RFX3: variants seen among roughly 807,000 people sequenced by gnomAD.
The protein encoded by RFX3 is regulatory factor X3.
RFX3 carries 14 observed loss-of-function variants against 98.6 expected under a neutral mutation model. The observed-to-expected ratio is 0.14, with a 90% confidence interval of 0.09 to 0.22. The LOEUF is 0.22. Among genes scored for constraint, RFX3 ranks in the 10% least tolerant of loss-of-function variants. The pLI is 1.00. For missense variants in RFX3, 639 were observed against 926.9 expected, an observed-to-expected ratio of 0.69 and a Z score of 4.03; for synonymous variants, 383 against 328.4, an observed-to-expected ratio of 1.17 and a Z score of -1.80.
chr9:3,412,983 T>C (rs563582820), intron 1 of RFX3, among the ~76,000 whole-genome samples: 1 of 152,124 alleles, frequency 6.6e-6, no homozygotes, highest in South Asian at 2.1e-4. Flanking sequence ...ATATTGAGTC[T>C]AAAAATCACA....
At chr9:3,264,257 G>C (rs867410416) in intron 12 of RFX3, among the ~76,000 whole-genome samples, 2 of 152,092 alleles carry the variant, frequency 1.3e-5, no homozygotes, top group South Asian at 2.1e-4. Flanking sequence ...AATTTGTTAT[G>C]TGCACAATAT....
intron 4 of RFX3, among the ~76,000 whole-genome samples, chr9:3,314,343 G>A (rs1389383014): frequency 6.6e-6 from 1 of 152,146 alleles, no homozygotes; most frequent in Non-Finnish European, 1.5e-5. Flanking sequence ...GTCACCACCA[G>A]GCCTGCCTTA....
intron 2 of RFX3, among the ~76,000 whole-genome samples, chr9:3,367,066 A>T (rs1163076251): frequency 6.6e-6 from 1 of 152,104 alleles, no homozygotes; most frequent in Admixed American, 6.6e-5. Context: ...CCCTCAACCA[A>T]GATTAGAAAC....
intron 1 of RFX3, among the ~76,000 whole-genome samples, chr9:3,485,736 TAA>T (rs1477203679): frequency 6.6e-6 from 1 of 152,294 alleles, no homozygotes; most frequent in South Asian, 2.1e-4. Context: ...TCTTTAGTTA[TAA>T]GAGAATATTC....
At chr9:3,322,116 C>G (rs1398352262) in intron 4 of RFX3, among the ~76,000 whole-genome samples, 1 of 152,026 alleles carries the variant, frequency 6.6e-6, no homozygotes, top group Admixed American at 6.5e-5. Flanking sequence ...TAAATTCTTG[C>G]AAGTTTATTT....
chr9:3,293,029 A>G (rs748325391), intron 6 of RFX3, 48 bp downstream of exon 6: 1 of 1,427,612 alleles, frequency 7.0e-7, no homozygotes, highest in Admixed American at 1.9e-5. Context: ...GAATTGCCCT[A>G]GTTTGAAAAA....
rs369062404 is a variant in RFX3, at chr9:3,394,136, G to C, written c.117+1336C>G. Among the ~76,000 whole-genome samples the C allele has an allele frequency of 4.8e-4, 73 of 152,184 alleles. 2 individuals are homozygous for C. The highest frequency in any genetic ancestry group is 1.7e-3 in the African/African-American group (72 of 41,544). On this transcript the variant is annotated intron_variant, in intron 2 of 16. Transcript: ENST00000617270. ...AAGTTGTATATGTGTATATGGCAGA[G>C]TATGCTAAGATTTTTTTAAAAATGT...
At chr9:3,293,499 C>T (rs1044153060) in intron 5 of RFX3, among the ~76,000 whole-genome samples, 3 of 152,122 alleles carry the variant, frequency 2.0e-5, no homozygotes, top group East Asian at 1.9e-4. Flanking sequence ...TTCAAGCACA[C>T]GTAGAGACAT....
At chr9:3,468,199 G>A (rs975941664) in intron 1 of RFX3, among the ~76,000 whole-genome samples, 2 of 152,128 alleles carry the variant, frequency 1.3e-5, no homozygotes, top group Non-Finnish European at 2.9e-5. Context: ...ACAGTGAATT[G>A]TTACAGCTAA....
intron 1 of RFX3, among the ~76,000 whole-genome samples, chr9:3,496,115 G>T (rs1851090894): frequency 6.6e-6 from 1 of 151,884 alleles, no homozygotes; most frequent in Non-Finnish European, 1.5e-5. Context: ...CACAAGCCTG[G>T]GCAGTTTAGT....
At chr9:3,356,268 G>A (rs902270875) in intron 2 of RFX3, among the ~76,000 whole-genome samples, 1 of 151,540 alleles carries the variant, frequency 6.6e-6, no homozygotes, top group Admixed American at 6.6e-5. Context: ...ACAAGAAACA[G>A]CAAGGTAGAC....
intron 3 of RFX3, among the ~76,000 whole-genome samples, chr9:3,334,480 C>CA (rs905971983): frequency 6.6e-6 from 1 of 151,918 alleles, no homozygotes; most frequent in Non-Finnish European, 1.5e-5. Context: ...AACAGTAATG[C>CA]AAAAAAATGC....
At chr9:3,478,765 C>G (rs1041176426) in intron 1 of RFX3, among the ~76,000 whole-genome samples, 9 of 152,142 alleles carry the variant, frequency 5.9e-5, no homozygotes, top group African/African-American at 2.2e-4. Context: ...CCAAAGTTCC[C>G]TATAGTTGGC....
intron 2 of RFX3, among the ~76,000 whole-genome samples, chr9:3,363,229 G>C (rs894758227): frequency 1.3e-5 from 2 of 152,146 alleles, no homozygotes; most frequent in African/African-American, 4.8e-5. Context: ...CTTTGTAACA[G>C]GAGGCTCCTC....
chr9:3,457,942 T>C (rs1043489643), intron 1 of RFX3, among the ~76,000 whole-genome samples: 5 of 152,264 alleles, frequency 3.3e-5, no homozygotes, highest in East Asian at 1.9e-4. Context: ...AAATAAGTGC[T>C]GTGTGAGCAG....
At chr9:3,379,417 G>GT (rs893516051) in intron 2 of RFX3, among the ~76,000 whole-genome samples, 71 of 148,530 alleles carry the variant, frequency 4.8e-4, no homozygotes, top group African/African-American at 1.2e-3. Context: ...ATGAAGTTGG[G>GT]TTTTTTTTTT....
At chr9:3,505,169 TA>T (rs1450460275) in intron 1 of RFX3, among the ~76,000 whole-genome samples, 5 of 93,768 alleles carry the variant, frequency 5.3e-5, no homozygotes, top group Non-Finnish European at 9.2e-5. Context: ...ATATATTTTA[TA>T]TTCATATAAA....
intron 2 of RFX3, among the ~76,000 whole-genome samples, chr9:3,390,113 G>A (rs576603403): frequency 2.1e-4 from 32 of 152,252 alleles, no homozygotes; most frequent in Admixed American, 9.8e-4. Flanking sequence ...AAATTTTCTG[G>A]TTTCTCATTG....
intron 2 of RFX3, among the ~76,000 whole-genome samples, chr9:3,384,172 C>G (rs1358200111): frequency 6.6e-6 from 1 of 151,036 alleles, no homozygotes; most frequent in African/African-American, 2.4e-5. Flanking sequence ...AGGCCCAAGT[C>G]CTTTCCTCTC....
Sources: allele counts gnomAD v4.1 joint callset (sites outside exome capture counted in the v4.1 genomes callset), GRCh38; gene constraint gnomAD v4.1.1; transcripts MANE v1.5; gene names NCBI Gene and HGNC (gene_info 2026-07-23, HGNC 2026-07-21).